PPIP5K2: variants seen among roughly 807,000 people sequenced by gnomAD.
PPIP5K2 encodes the protein inositol hexakisphosphate and diphosphoinositol-pentakisphosphate kinase 2.
A neutral mutation model predicts 154.6 loss-of-function variants in PPIP5K2; 105 were observed. The observed-to-expected ratio is 0.68, with a 90% CI of 0.58 to 0.80. The LOEUF (loss-of-function observed/expected upper bound fraction) is 0.80. Among genes scored for constraint, PPIP5K2 ranks in the 30% least tolerant of loss-of-function variants. The pLI, the probability that PPIP5K2 is intolerant of heterozygous loss-of-function variation, is 0.00. For synonymous variants in PPIP5K2, 480 were observed against 490.3 expected (o/e 0.98, Z 0.28); for missense variants, 992 against 1,504.6 (o/e 0.66, Z 5.64).
intron 28 of PPIP5K2, 124 bp from the exon 29 acceptor site, chr5:103,190,718 G>A: frequency 1.3e-6 from 1 of 740,952 alleles, no homozygotes; most frequent in Admixed American, 3.8e-5. Flanking sequence ...GATATTGTGT[G>A]TTTGCATGTG....
intron 1 of PPIP5K2, among the ~76,000 whole-genome samples, chr5:103,122,830 G>A (rs1788996515): frequency 6.6e-6 from 1 of 152,190 alleles, no homozygotes; most frequent in Non-Finnish European, 1.5e-5. Flanking sequence ...GAAATATTAA[G>A]TTCAGGTAAG....
chr5:103,164,706 A>G (rs372424198), intron 17 of PPIP5K2, among the ~76,000 whole-genome samples: 1 of 152,182 alleles, frequency 6.6e-6, no homozygotes, highest in African/African-American at 2.4e-5. Flanking sequence ...CAGAATTTTT[A>G]CTTCCCTTCA....
At position 103,208,730 on chromosome 5, in the gene PPIP5K2, G is replaced by A. The variant is rs1554232419; in HGVS notation, c.*7096G>A. 1 of 151,966 alleles carries A rather than the reference G, an allele frequency of 6.6e-6. No individual in the cohort carries two copies. The highest frequency in any genetic ancestry group is 1.9e-4 in the East Asian group (1 of 5,166). The allele number at this position is 151,966 out of a possible 1,614,324, so 9.4% of individuals were successfully genotyped here. ...TTGTTGTTTTTTTTTCCCTGTCTCA[G>A]ATTATGTCATCTATTTTGGAGTATT... On this transcript the variant is annotated 3_prime_UTR_variant, in exon 31 of 31. Coordinates refer to ENST00000358359, the MANE Select transcript of PPIP5K2 (RefSeq NM_001276277.3).
chr5:103,159,019 A>G, intron 16 of PPIP5K2, 127 bp from the exon 17 acceptor site: 1 of 622,484 alleles, frequency 1.6e-6, no homozygotes, highest in Non-Finnish European at 2.6e-6. Context: ...ACAATAATGA[A>G]CTGTAGTATT....
chr5:103,137,736 T>G (rs1463350218), intron 4 of PPIP5K2, among the ~76,000 whole-genome samples: 1 of 152,148 alleles, frequency 6.6e-6, no homozygotes, highest in Non-Finnish European at 1.5e-5. Flanking sequence ...TTTCACTTTA[T>G]TTTTTTCTAT....
chr5:103,163,751 A>G (rs184625219), intron 17 of PPIP5K2, among the ~76,000 whole-genome samples: 1 of 151,846 alleles, frequency 6.6e-6, no homozygotes, highest in Admixed American at 6.6e-5. Context: ...TCTTTCATCT[A>G]TTATATCTTA....
At chr5:103,170,098 C>T (rs1797748702) in intron 19 of PPIP5K2, among the ~76,000 whole-genome samples, 1 of 151,398 alleles carries the variant, frequency 6.6e-6, no homozygotes, top group Admixed American at 6.6e-5. Context: ...GAGAGTTGAG[C>T]CGAAAAGAAA....
intron 29 of PPIP5K2, among the ~76,000 whole-genome samples, chr5:103,193,318 A>G (rs1801555414): frequency 6.6e-6 from 1 of 152,088 alleles, no homozygotes; most frequent in Admixed American, 6.6e-5. Flanking sequence ...TATATTATTT[A>G]CAGTTAGTTC....
intron 5 of PPIP5K2, among the ~76,000 whole-genome samples, chr5:103,140,341 C>A (rs950229124): frequency 3.9e-5 from 6 of 152,050 alleles, no homozygotes; most frequent in African/African-American, 7.2e-5. Context: ...ATAAGACTAT[C>A]TCAAGGCATA....
chr5:103,178,246 T>C (rs1270345306), intron 23 of PPIP5K2, among the ~76,000 whole-genome samples: 6 of 151,974 alleles, frequency 3.9e-5, no homozygotes, highest in Non-Finnish European at 7.4e-5. Flanking sequence ...TTCACCAAAA[T>C]TGACTTTTTT....
intron 5 of PPIP5K2, among the ~76,000 whole-genome samples, chr5:103,144,784 T>A (rs916123649): frequency 1.3e-5 from 2 of 152,050 alleles, no homozygotes; most frequent in Admixed American, 1.3e-4. Context: ...AATACTTAAA[T>A]CTAAGACCTG....
At chr5:103,153,471 C>A (rs1794945386) in intron 10 of PPIP5K2, among the ~76,000 whole-genome samples, 1 of 151,776 alleles carries the variant, frequency 6.6e-6, no homozygotes, top group African/African-American at 2.4e-5. Context: ...TAGCAACCAT[C>A]ATGTAAAGTT....
chr5:103,143,739 T>A (rs2149523065), intron 5 of PPIP5K2, among the ~76,000 whole-genome samples: 1 of 152,270 alleles, frequency 6.6e-6, no homozygotes, highest in African/African-American at 2.4e-5. Context: ...TAAACATCCC[T>A]TCATGATAAA....
chr5:103,151,409 A>G (rs374899997), intron 9 of PPIP5K2, 35 bp downstream of exon 9: 11 of 1,502,300 alleles, frequency 7.3e-6, no homozygotes, highest in Admixed American at 1.8e-5. Flanking sequence ...TTACCTTCAT[A>G]TACTAGTTAT....
chr5:103,161,743 A>C (rs1796287904), intron 17 of PPIP5K2, among the ~76,000 whole-genome samples: 1 of 152,128 alleles, frequency 6.6e-6, no homozygotes, highest in Non-Finnish European at 1.5e-5. Context: ...TGGCTGCATA[A>C]ATGTCTTCTT....
intron 24 of PPIP5K2, among the ~76,000 whole-genome samples, chr5:103,180,592 G>A (rs1388971845): frequency 2.6e-5 from 4 of 152,048 alleles, no homozygotes; most frequent in Non-Finnish European, 4.4e-5. Flanking sequence ...GCTCATGCCT[G>A]TAATCCCAGC....
chr5:103,176,471 A>C (rs1043054481), intron 21 of PPIP5K2, among the ~76,000 whole-genome samples: 24 of 152,144 alleles, frequency 1.6e-4, no homozygotes, highest in African/African-American at 5.5e-4. Flanking sequence ...GCACACATGC[A>C]TGTGCGCACA....
chr5:103,137,807 A>G (rs960400192), intron 4 of PPIP5K2, among the ~76,000 whole-genome samples: 1 of 152,172 alleles, frequency 6.6e-6, no homozygotes, highest in Non-Finnish European at 1.5e-5. Flanking sequence ...ACATTTACAT[A>G]TTAATTCATA....
chr5:103,199,809 G>GT (rs1476764167), intron 30 of PPIP5K2, among the ~76,000 whole-genome samples: 1 of 151,752 alleles, frequency 6.6e-6, no homozygotes, highest in East Asian at 1.9e-4. Flanking sequence ...CTTTTAAATA[G>GT]TTTTTTTGCA....
Sources: gnomAD v4.1 joint callset for allele counts (sites outside exome capture counted in the v4.1 genomes callset) on GRCh38, gnomAD v4.1.1 for gene constraint, MANE v1.5 for transcripts, NCBI Gene and HGNC (gene_info 2026-07-23, HGNC 2026-07-21) for gene names.